The following NBAS variants were observed in gnomAD, a reference collection of about 807,000 sequenced individuals.
NBAS encodes NAG/BC035112 fusion.
A neutral mutation model predicts 302.5 loss-of-function variants in NBAS; 219 were observed. That is an observed-to-expected ratio of 0.72 (90% CI 0.65 to 0.81). The LOEUF is 0.81. Ranked by LOEUF, NBAS falls within the 30% of genes least tolerant of loss-of-function variation. The pLI is 0.00. For synonymous variants in NBAS, 1,118 were observed against 1,021.6 expected (o/e 1.09, Z -1.80); for missense variants, 2,932 against 2,841.6 (o/e 1.03, Z -0.72).
intron 35 of NBAS, among the ~76,000 whole-genome samples, chr2:15,350,465 A>G (rs1027089990): frequency 6.6e-6 from 1 of 152,194 alleles, no homozygotes; most frequent in African/African-American, 2.4e-5. Flanking sequence ...AAACCGGGCC[A>G]CTGTCTTTGA....
the NBAS span, among the ~76,000 whole-genome samples, chr2:14,915,923 A>G: frequency 6.6e-6 from 1 of 152,080 alleles, no homozygotes; most frequent in Non-Finnish European, 1.5e-5. Flanking sequence ...TGCCATCTAC[A>G]TAAGATGTGA....
At chr2:15,311,001 AC>A (rs1671249783) in intron 38 of NBAS, among the ~76,000 whole-genome samples, 1 of 152,214 alleles carries the variant, frequency 6.6e-6, no homozygotes. Context: ...CATTGTCAGA[AC>A]CAGAAAGTCC....
chr2:15,107,316 C>T, the NBAS span, among the ~76,000 whole-genome samples: 4 of 152,182 alleles, frequency 2.6e-5, no homozygotes, highest in African/African-American at 9.6e-5. Flanking sequence ...AGAAGAAAGT[C>T]CTCATGAGAA....
intron 27 of NBAS, 123 bp downstream of exon 27, chr2:15,396,290 G>A: frequency 1.4e-6 from 1 of 728,668 alleles, no homozygotes; most frequent in Non-Finnish European, 2.3e-6. Context: ...TCACTCCCAA[G>A]ACAATCAAAC....
intron 9 of NBAS, among the ~76,000 whole-genome samples, chr2:15,523,130 T>G (rs1443562199): frequency 6.6e-6 from 1 of 152,212 alleles, no homozygotes; most frequent in African/African-American, 2.4e-5. Flanking sequence ...CCAGCATCAC[T>G]AGTGACACTT....
chr2:15,097,971 T>A, the NBAS span, among the ~76,000 whole-genome samples: 34 of 97,498 alleles, frequency 3.5e-4, no homozygotes, highest in African/African-American at 1.3e-3. Flanking sequence ...TATATTATAT[T>A]GTATATAATA....
At chr2:15,204,470 G>C (rs1666044175) in intron 48 of NBAS, among the ~76,000 whole-genome samples, 1 of 152,122 alleles carries the variant, frequency 6.6e-6, no homozygotes, top group Admixed American at 6.5e-5. Flanking sequence ...AGAAAAGGGA[G>C]AAGGCTAGAA....
intron 35 of NBAS, among the ~76,000 whole-genome samples, chr2:15,341,127 T>C (rs879323048): frequency 6.6e-6 from 1 of 152,176 alleles, no homozygotes; most frequent in Admixed American, 6.5e-5. Context: ...GGCTCACACC[T>C]GTAATTCCAG....
intron 28 of NBAS, among the ~76,000 whole-genome samples, chr2:15,386,493 T>TG (rs1346063312): frequency 1.3e-5 from 2 of 152,200 alleles, no homozygotes; most frequent in African/African-American, 4.8e-5. Context: ...GATTAGTGCT[T>TG]GGGGTGGCTT....
intron 44 of NBAS, among the ~76,000 whole-genome samples, chr2:15,245,285 C>T (rs1194590874): frequency 6.6e-6 from 1 of 152,174 alleles, no homozygotes; most frequent in African/African-American, 2.4e-5. Flanking sequence ...TCTCAGGCCA[C>T]TTCAACCACC....
Position 15,330,695 on chromosome 2 carries a change from A to T in NBAS, c.4250T>A (p.Val1417Asp). ...LRWTTATTMKVLSNTTTTTKA... is the reference protein window; with the variant it reads ...LRWTTATTMKDLSNTTTTTKA... ...GGTGGTGGTTGTGGTGTTGGAAAGGACTTTCATGGTGGTAGCAGTGGTCCA... is the reference window on the plus strand; with the variant it reads ...GGTGGTGGTTGTGGTGTTGGAAAGGTCTTTCATGGTGGTAGCAGTGGTCCA... Residue 1417 changes from valine to aspartate, a missense_variant, in exon 36 of 52, where the codon GTC becomes GAC. Transcript: ENST00000281513. The T allele has an allele frequency of 1.2e-6, 2 of 1,614,068 alleles. No homozygotes were observed. The highest frequency in any genetic ancestry group is 1.1e-5 in the South Asian group (1 of 91,076).
At chr2:15,122,553 A>C in the NBAS span, among the ~76,000 whole-genome samples, 1 of 152,160 alleles carries the variant, frequency 6.6e-6, no homozygotes, top group Non-Finnish European at 1.5e-5. Context: ...ACTGGGGGTC[A>C]CATTTCAACA....
downstream of NBAS, among the ~76,000 whole-genome samples, chr2:15,163,042 G>A (rs961844702): frequency 6.6e-6 from 1 of 152,182 alleles, no homozygotes. Context: ...CCACGGGCCT[G>A]CCGCTATTCA....
the NBAS span, among the ~76,000 whole-genome samples, chr2:15,130,048 G>A: frequency 2.0e-5 from 3 of 152,120 alleles, no homozygotes; most frequent in South Asian, 2.1e-4. Flanking sequence ...AACCCTCTAC[G>A]CATTAAGTAG....
At chr2:15,045,747 C>T in the NBAS span, among the ~76,000 whole-genome samples, 2 of 152,188 alleles carry the variant, frequency 1.3e-5, no homozygotes. Context: ...GGAGCTAAAT[C>T]ACAAAGTAGT....
intron 45 of NBAS, among the ~76,000 whole-genome samples, chr2:15,235,955 T>A (rs1186052374): frequency 6.6e-6 from 1 of 152,170 alleles, no homozygotes; most frequent in African/African-American, 2.4e-5. Flanking sequence ...TAAATGAAGC[T>A]TCATGAGGAT....
chr2:15,051,173 C>A, the NBAS span, among the ~76,000 whole-genome samples: 1 of 152,202 alleles, frequency 6.6e-6, no homozygotes, highest in Non-Finnish European at 1.5e-5. Flanking sequence ...ACAACGAAGA[C>A]ATCCCACATC....
chr2:14,801,930 T>A, the NBAS span, among the ~76,000 whole-genome samples: 1 of 146,956 alleles, frequency 6.8e-6, no homozygotes, highest in African/African-American at 2.5e-5. Context: ...TAGCCCTTTG[T>A]CAGATGAGTA....
At chr2:14,872,568 T>C in the NBAS span, among the ~76,000 whole-genome samples, 1 of 152,204 alleles carries the variant, frequency 6.6e-6, no homozygotes, top group Non-Finnish European at 1.5e-5. Flanking sequence ...AGTTTATTCC[T>C]ACTGGTAGGT....
Sources: gnomAD v4.1 joint callset for allele counts (sites outside exome capture counted in the v4.1 genomes callset) on GRCh38, gnomAD v4.1.1 for gene constraint, MANE v1.5 for transcripts, NCBI Gene and HGNC (gene_info 2026-07-23, HGNC 2026-07-21) for gene names.